GUCY1A2: variants seen among roughly 807,000 people sequenced by gnomAD.
GUCY1A2 encodes guanylate cyclase 1 soluble subunit alpha 2, also known as guanylate cyclase soluble subunit alpha-2.
In GUCY1A2, 27 loss-of-function variants were observed where a neutral mutation model predicts 63.5. That is an observed-to-expected ratio of 0.43 (90% CI 0.31 to 0.59). GUCY1A2 has a LOEUF of 0.59. Among genes scored for constraint, GUCY1A2 ranks in the 20% least tolerant of loss-of-function variants. The pLI is 0.11. For missense variants in GUCY1A2, 768 were observed against 913.3 expected (o/e 0.84, Z 2.05); for synonymous variants, 364 against 343.5 (o/e 1.06, Z -0.66).
At chr11:106,902,503 T>G (rs1390533314) in intron 4 of GUCY1A2, among the ~76,000 whole-genome samples, 2 of 152,208 alleles carry the variant, frequency 1.3e-5, no homozygotes, top group Non-Finnish European at 2.9e-5. Context: ...CTTCTTCCAA[T>G]AGAAGGATGT....
chr11:106,958,439 T>C (rs1861018137), intron 3 of GUCY1A2, among the ~76,000 whole-genome samples: 1 of 152,218 alleles, frequency 6.6e-6, no homozygotes, highest in Non-Finnish European at 1.5e-5. Context: ...GTCCACTAGT[T>C]CTAATATACC....
chr11:106,952,102 G>A (rs970877532), intron 3 of GUCY1A2, among the ~76,000 whole-genome samples: 6 of 151,914 alleles, frequency 3.9e-5, no homozygotes, highest in South Asian at 2.1e-4. Context: ...TCTATATGTC[G>A]GTTTTGGTAC....
intron 4 of GUCY1A2, among the ~76,000 whole-genome samples, chr11:106,922,662 CATATATATATATATATATAT>C (rs6144495): frequency 0.013 from 1,631 of 124,646 alleles, 21 homozygotes; most frequent in Middle Eastern, 0.029. Flanking sequence ...TTGTTAACTA[CATATATATATATATATATAT>C]ATATATATAT....
At chr11:106,987,871 C>A (rs891402935) in intron 1 of GUCY1A2, among the ~76,000 whole-genome samples, 16 of 152,114 alleles carry the variant, frequency 1.1e-4, no homozygotes, top group African/African-American at 3.6e-4. Flanking sequence ...CTCTACATTA[C>A]CACGTAGGAG....
At chr11:106,846,320 T>C (rs1208797483) in intron 4 of GUCY1A2, among the ~76,000 whole-genome samples, 1 of 151,690 alleles carries the variant, frequency 6.6e-6, no homozygotes, top group Non-Finnish European at 1.5e-5. Flanking sequence ...GACAGTGGAA[T>C]TTAATTTTAA....
At chr11:106,869,665 A>C (rs936235313) in intron 4 of GUCY1A2, among the ~76,000 whole-genome samples, 8 of 152,144 alleles carry the variant, frequency 5.3e-5, no homozygotes, top group African/African-American at 1.4e-4. Flanking sequence ...GTGGGACTGT[A>C]AACTAGTTCA....
At chr11:106,708,470 A>C (rs749936273) in intron 7 of GUCY1A2, 42 bp downstream of exon 7, 34 of 1,559,578 alleles carry the variant, frequency 2.2e-5, no homozygotes, top group Non-Finnish European at 2.8e-5. Flanking sequence ...GCAGCCCAAA[A>C]CAAAGGCCAA....
chr11:106,993,842 G>C (rs1861502596), intron 1 of GUCY1A2, among the ~76,000 whole-genome samples: 1 of 152,104 alleles, frequency 6.6e-6, no homozygotes, highest in Admixed American at 6.5e-5. Flanking sequence ...TTTTTAGAAG[G>C]ATAGCAGCTT....
At chr11:106,774,922 C>T (rs1428198105) in intron 6 of GUCY1A2, among the ~76,000 whole-genome samples, 1 of 152,110 alleles carries the variant, frequency 6.6e-6, no homozygotes, top group Admixed American at 6.5e-5. Flanking sequence ...CCCTTTCTCA[C>T]AGTTTTCAGC....
chr11:106,860,943 G>A (rs1190133994), intron 4 of GUCY1A2, among the ~76,000 whole-genome samples: 1 of 151,942 alleles, frequency 6.6e-6, no homozygotes, highest in African/African-American at 2.4e-5. Flanking sequence ...AAAGGGAAAA[G>A]CTCTACTCTT....
intron 4 of GUCY1A2, among the ~76,000 whole-genome samples, chr11:106,822,051 C>T (rs753183119): frequency 8.3e-4 from 126 of 151,920 alleles, no homozygotes; most frequent in Non-Finnish European, 1.2e-3. Flanking sequence ...TTGGCAAAAC[C>T]CACTGTTACA....
At chr11:106,950,938 GT>G (rs1191996216) in intron 3 of GUCY1A2, among the ~76,000 whole-genome samples, 1 of 152,092 alleles carries the variant, frequency 6.6e-6, no homozygotes, top group African/African-American at 2.4e-5. Context: ...TCCCCTCTCT[GT>G]GACCATGTGT....
chr11:106,843,432 T>C (rs1859227775), intron 4 of GUCY1A2, among the ~76,000 whole-genome samples: 1 of 151,654 alleles, frequency 6.6e-6, no homozygotes, highest in Non-Finnish European at 1.5e-5. Context: ...AAAAAGTAGA[T>C]GAACATAGAG....
intron 6 of GUCY1A2, among the ~76,000 whole-genome samples, chr11:106,768,936 A>C (rs1487896): frequency 0.94 from 142,926 of 152,100 alleles, 67,283 homozygotes; most frequent in East Asian, 1. Context: ...GACCACAGGT[A>C]TAAGGGTAAT....
At chr11:106,708,388 C>T in intron 7 of GUCY1A2, 124 bp downstream of exon 7, 1 of 695,864 alleles carries the variant, frequency 1.4e-6, no homozygotes, top group South Asian at 2.4e-5. Context: ...TGGGTTTGGG[C>T]AGTTCTACTC....
intron 4 of GUCY1A2, among the ~76,000 whole-genome samples, chr11:106,864,191 G>A (rs1357657085): frequency 6.7e-6 from 1 of 149,546 alleles, no homozygotes; most frequent in Non-Finnish European, 1.5e-5. Context: ...TTGTGCATAT[G>A]TATCCCAGAA....
At chr11:106,888,829 A>T (rs1859936438) in intron 4 of GUCY1A2, among the ~76,000 whole-genome samples, 1 of 152,128 alleles carries the variant, frequency 6.6e-6, no homozygotes, top group Non-Finnish European at 1.5e-5. Context: ...GTATCCTCCT[A>T]CTTTGGCCCA....
rs530667610 is a variant in GUCY1A2 at position 106,681,113 on chromosome 11, G to A, written c.*6436C>T. On this transcript the variant is annotated 3_prime_UTR_variant, in exon 8 of 8. Coordinates refer to ENST00000526355, the MANE Select transcript of GUCY1A2 (RefSeq NM_000855.3). Reference sequence around the variant, plus strand: ...GATTTTTTCATTTCGAAATCTGAAAGCTTTAGTGTTTTTTCAGTATTACTG... The same window carrying A: ...GATTTTTTCATTTCGAAATCTGAAAACTTTAGTGTTTTTTCAGTATTACTG... 4 of 210,680 alleles carry A rather than the reference G, an allele frequency of 1.9e-5. No homozygotes were observed. The South Asian group carries it at 7.5e-4, about 40-fold the overall frequency. The allele number at this position is 210,680 out of a possible 1,614,324, so 13.1% of individuals were successfully genotyped here.
At chr11:106,900,044 C>T (rs1860107603) in intron 4 of GUCY1A2, among the ~76,000 whole-genome samples, 1 of 149,776 alleles carries the variant, frequency 6.7e-6, no homozygotes, top group African/African-American at 2.5e-5. Context: ...TAAGATCAGG[C>T]CACTGCACTC....
Sources: allele counts gnomAD v4.1 joint callset (sites outside exome capture counted in the v4.1 genomes callset), GRCh38; gene constraint gnomAD v4.1.1; transcripts MANE v1.5; gene names NCBI Gene and HGNC (gene_info 2026-07-23, HGNC 2026-07-21).